Variants in ARSH observed in about 807,000 individuals in gnomAD.
The protein encoded by ARSH is arylsulfatase H.
ARSH carries 32 observed loss-of-function variants against 28.7 expected under a neutral mutation model. The ratio of observed to expected loss-of-function variants is 1.11; its 90% CI spans 0.84 to 1.50. ARSH has a LOEUF of 1.50. ARSH is among the 40% of genes most tolerant of loss of function. ARSH has a pLI of 0.00. For synonymous variants in ARSH, 176 were observed against 177.3 expected, an observed-to-expected ratio of 0.99 and a Z score of 0.06; for missense variants, 440 against 452.4, an observed-to-expected ratio of 0.97 and a Z score of 0.25.
At chrX:3,030,990 GA>G (rs1183542036) in intron 8 of ARSH, among the ~76,000 whole-genome samples, 10 of 104,554 alleles carry the variant, frequency 9.6e-5, no homozygotes, top group South Asian at 8.6e-4. Context: ...TCCCTACAAA[GA>G]AAAAAAAAAG....
chrX:3,031,407 T>C (rs73635392), intron 8 of ARSH, among the ~76,000 whole-genome samples: 4,783 of 111,727 alleles, frequency 0.043, 145 homozygotes, highest in African/African-American at 0.11. Context: ...CCCACATTCG[T>C]GCTATGGAAG....
intron 5 of ARSH, among the ~76,000 whole-genome samples, chrX:3,020,621 G>T (rs1350891423): frequency 9.4e-6 from 1 of 106,576 alleles, no homozygotes; most frequent in East Asian, 2.9e-4. Flanking sequence ...AGAATACAAG[G>T]AAAGTCAGTG....
At chrX:3,009,098 T>G (rs1397910323) in intron 1 of ARSH, among the ~76,000 whole-genome samples, 1 of 111,439 alleles carries the variant, frequency 9.0e-6, no homozygotes, top group Non-Finnish European at 1.9e-5. Context: ...AAGATATATA[T>G]TAATGGGAGG....
chrX:3,007,407 C>T (rs866478632), intron 1 of ARSH, among the ~76,000 whole-genome samples: 35 of 111,787 alleles, frequency 3.1e-4, no homozygotes, highest in Admixed American at 1.5e-3. Flanking sequence ...CCCTCTGTCT[C>T]TATGGATGTG....
chrX:3,015,741 C>T (rs1472489483), intron 4 of ARSH, among the ~76,000 whole-genome samples: 1 of 110,300 alleles, frequency 9.1e-6, no homozygotes, highest in Non-Finnish European at 1.9e-5. Flanking sequence ...TGCAAGACTA[C>T]CTATTGGGTG....
At chrX:3,026,380 T>A (rs2089898819) in intron 6 of ARSH, among the ~76,000 whole-genome samples, 1 of 111,889 alleles carries the variant, frequency 8.9e-6, no homozygotes, top group South Asian at 3.8e-4. Context: ...ACTGGTTAGA[T>A]CAGTGAATGT....
At chrX:3,028,279 C>T (rs926981861) in intron 7 of ARSH, among the ~76,000 whole-genome samples, 1 of 108,919 alleles carries the variant, frequency 9.2e-6, no homozygotes, top group African/African-American at 3.4e-5. Context: ...GGTGTGATCT[C>T]GGCTCAGTGC....
intron 1 of ARSH, among the ~76,000 whole-genome samples, chrX:3,007,818 C>T (rs2089832836): frequency 1.8e-5 from 2 of 110,932 alleles, no homozygotes; most frequent in South Asian, 3.9e-4. Context: ...GCTGGTTCCT[C>T]CTGAGGCCTC....
In ARSH at chrX:3,033,624, C is replaced by T. The variant is rs935402576; in HGVS notation, c.*239C>T. ...TTTCTAGTATATAATTGTGCCATTG[C>T]CCAAGGAAAAGAGCAAATCAAGGTG... On this transcript the variant is annotated 3_prime_UTR_variant, in exon 9 of 9. Coordinates refer to ENST00000381130, the MANE Select transcript of ARSH (RefSeq NM_001011719.2). The T allele has an allele frequency of 3.7e-4, 91 of 249,108 alleles. 1 individual carries two copies. The highest frequency in any genetic ancestry group is 2.2e-3 in the African/African-American group (81 of 36,366). 20.5% of individuals were successfully genotyped at this position (249,108 alleles called of 1,213,427 possible).
intron 5 of ARSH, among the ~76,000 whole-genome samples, chrX:3,023,457 C>T (rs1420606358): frequency 9.5e-6 from 1 of 105,594 alleles, no homozygotes; most frequent in Non-Finnish European, 1.9e-5. Flanking sequence ...ATAATAGTTA[C>T]ATGTTATTAT....
At chrX:3,023,403 T>C (rs972647932) in intron 5 of ARSH, among the ~76,000 whole-genome samples, 6 of 105,817 alleles carry the variant, frequency 5.7e-5, no homozygotes, top group Non-Finnish European at 7.7e-5. Flanking sequence ...AATAAACATA[T>C]ATTTTTACAT....
Position 3,015,296 on chromosome X carries a change from T to C in ARSH, c.667T>C (p.Cys223Arg). 8.3e-7 allele frequency: 1 copy of C among 1,211,702 alleles called. No individual in the cohort carries two copies. The highest frequency in any genetic ancestry group is 1.1e-6 in the Non-Finnish European group (1 of 895,428). ...TTATGGATTTACTCGACGTTGGAAT[T>C]GCATCCTTATGAGGAACCATGAAAT... Reference protein sequence around the residue: ...SSYGFTRRWNCILMRNHEIIQ... With the variant: ...SSYGFTRRWNRILMRNHEIIQ... Residue 223 changes from cysteine (C) to arginine (R), a missense_variant, in exon 4 of 9, where the codon TGC (cysteine) becomes CGC (arginine). By Grantham distance (180) the Cys-to-Arg change is radical. Transcript: ENST00000381130.
rs77183343 is a variant in ARSH at position 3,010,129 on chromosome X, C to A, written c.192C>A (p.Thr64=). Residue 64 remains threonine (T), a synonymous_variant, in exon 2 of 9, where the codon ACC becomes ACA. Transcript: ENST00000381130. ...MCTPSRAAFL[T]GRYPIRSGMV... ...CCCCAAGTCGGGCTGCCTTCCTGAC[C>A]GGCCGGTACCCCATCAGATCAGGTG... 2 of 1,208,800 alleles carry A rather than the reference C, an allele frequency of 1.7e-6. No homozygotes were observed. Among genetic ancestry groups the A allele is most frequent in the Non-Finnish European group, 2.2e-6 (2 of 894,634 alleles).
rs778458964 is a variant in ARSH at position 3,033,734 on chromosome X, G to C, written c.*349G>C. Among the ~76,000 whole-genome samples the C allele has an allele frequency of 5.5e-4, 61 of 111,493 alleles. 1 individual carries two copies. Among genetic ancestry groups the C allele is most frequent in the African/African-American group, 1.9e-3 (57 of 30,739 alleles). On this transcript the variant is annotated 3_prime_UTR_variant, in exon 9 of 9. Transcript: ENST00000381130. ...TGTCATAAGTTAGAAACTTCTGCTTGCAGATTCTATACCCAGGCATGCTAG... is the reference window on the plus strand; with the variant it reads ...TGTCATAAGTTAGAAACTTCTGCTTCCAGATTCTATACCCAGGCATGCTAG...
chrX:3,025,900 T>C (rs1323680499), intron 6 of ARSH, among the ~76,000 whole-genome samples: 2 of 110,929 alleles, frequency 1.8e-5, no homozygotes, highest in Non-Finnish European at 3.8e-5. Context: ...AACCCTGGAA[T>C]AGGACTGGCA....
chrX:3,007,560 AAG>A (rs2147450246), intron 1 of ARSH, among the ~76,000 whole-genome samples: 1 of 111,786 alleles, frequency 8.9e-6, no homozygotes, highest in Non-Finnish European at 1.9e-5. Flanking sequence ...TTCAAGATCA[AAG>A]TGTGGGCAGG....
intron 5 of ARSH, among the ~76,000 whole-genome samples, chrX:3,019,335 G>A (rs1452004788): frequency 1.8e-5 from 2 of 109,822 alleles, no homozygotes; most frequent in African/African-American, 3.3e-5. Flanking sequence ...AAAAGGGAAC[G>A]TTATTCTGAT....
At chrX:3,026,349 C>A (rs1177128420) in intron 6 of ARSH, among the ~76,000 whole-genome samples, 2 of 111,185 alleles carry the variant, frequency 1.8e-5, no homozygotes, top group African/African-American at 6.5e-5. Context: ...AGAAGCTGAG[C>A]TGCCTTTCAA....
At chrX:3,014,854 G>A in intron 3 of ARSH, 116 bp from the exon 4 acceptor site, 4 of 740,583 alleles carry the variant, frequency 5.4e-6, no homozygotes, top group Admixed American at 3.7e-5. Flanking sequence ...AAAAAACCAT[G>A]ATGACAACAG....
Sources: gnomAD v4.1 joint callset for allele counts (sites outside exome capture counted in the v4.1 genomes callset) on GRCh38, gnomAD v4.1.1 for gene constraint, MANE v1.5 for transcripts, NCBI Gene and HGNC (gene_info 2026-07-23, HGNC 2026-07-21) for gene names.